Variants in ACSM3 observed in about 807,000 individuals in gnomAD.
ACSM3 encodes the protein acyl-CoA synthetase medium chain family member 3, also known as acyl-coenzyme A synthetase ACSM3, mitochondrial.
Under a neutral mutation model 74.1 loss-of-function variants are expected in ACSM3, and 61 were observed. The ratio of observed to expected loss-of-function variants is 0.82; its 90% CI spans 0.67 to 1.02. The LOEUF (loss-of-function observed/expected upper bound fraction) is 1.02, where lower values mean the gene tolerates loss of function less well. Ranked by LOEUF, ACSM3 falls within the 50% of genes least tolerant of loss-of-function variation. ACSM3 has a pLI of 0.00. For synonymous variants in ACSM3, 213 were observed against 241.5 expected, an observed-to-expected ratio of 0.88 and a Z score of 1.09; for missense variants, 660 against 697.0, an observed-to-expected ratio of 0.95 and a Z score of 0.60.
At chr16:20,692,306 G>C (rs552911519) in intron 1 of ACSM3, among the ~76,000 whole-genome samples, 89 of 152,320 alleles carry the variant, frequency 5.8e-4, no homozygotes, top group African/African-American at 2.1e-3. Context: ...GAAGGCATGA[G>C]ACATTAATTA....
chr16:20,726,325 G>C (rs949715537), intron 1 of ACSM3, among the ~76,000 whole-genome samples: 2 of 152,236 alleles, frequency 1.3e-5, no homozygotes, highest in Admixed American at 6.5e-5. Flanking sequence ...TACATGAGGA[G>C]AGAAAGGAAG....
chr16:20,693,525 T>C (rs1243831175), intron 1 of ACSM3, among the ~76,000 whole-genome samples: 1 of 152,224 alleles, frequency 6.6e-6, no homozygotes, highest in Admixed American at 6.5e-5. Flanking sequence ...TCCCTCTTGC[T>C]CACTTTCAAC....
chr16:20,782,211 C>G (rs1208042391), intron 7 of ACSM3, among the ~76,000 whole-genome samples: 1 of 152,140 alleles, frequency 6.6e-6, no homozygotes, highest in Non-Finnish European at 1.5e-5. Context: ...AAAACAACCC[C>G]CGTTTCTCTT....
upstream of ACSM3, chr16:20,763,984 C>G (rs933783470): frequency 6.6e-6 from 1 of 152,234 alleles, no homozygotes; most frequent in African/African-American, 2.4e-5. Flanking sequence ...GCCAGTCTTG[C>G]TCCTCCGGAT....
upstream of ACSM3, among the ~76,000 whole-genome samples, chr16:20,761,907 A>C (rs977163011): frequency 3.3e-5 from 5 of 152,250 alleles, no homozygotes; most frequent in Admixed American, 2.0e-4. Flanking sequence ...AACTTCAGTA[A>C]AGACATTGCA....
At chr16:20,725,148 T>A (rs1399342031) in intron 1 of ACSM3, among the ~76,000 whole-genome samples, 1 of 152,156 alleles carries the variant, frequency 6.6e-6, no homozygotes, top group Non-Finnish European at 1.5e-5. Context: ...AAGGCTACAG[T>A]AACCAAAACA....
At position 20,790,928 on chromosome 16, in the gene ACSM3, G is replaced by A. The variant is rs1567363017; in HGVS notation, c.1326+240G>A. 2 of 1,613,810 alleles carry A rather than the reference G, an allele frequency of 1.2e-6. No homozygotes were observed. The highest frequency in any genetic ancestry group is 1.7e-6 in the Non-Finnish European group (2 of 1,179,854). The stretch of plus-strand genomic sequence containing the variant: ...CCAGGTCCACGAAGGCAAGAGGAAG[G>A]GACCCTAGAAAGAGGACAGCCTCTT... On this transcript the variant is annotated intron_variant, in intron 10 of 13. Coordinates refer to ENST00000289416, the MANE Select transcript of ACSM3 (RefSeq NM_005622.4). This position sits in a 1 kb window ranked among gnomAD's most constrained non-coding sequence, Gnocchi z 4.0.
intron 1 of ACSM3, among the ~76,000 whole-genome samples, chr16:20,692,234 A>AG (rs1208573794): frequency 6.6e-6 from 1 of 152,234 alleles, no homozygotes; most frequent in African/African-American, 2.4e-5. Context: ...CACAGCCCTC[A>AG]GGAAATCCTG....
At chr16:20,794,512 T>G (rs1254484387) in intron 12 of ACSM3, among the ~76,000 whole-genome samples, 1 of 152,188 alleles carries the variant, frequency 6.6e-6, no homozygotes, top group Non-Finnish European at 1.5e-5. Flanking sequence ...TAAATTGAAA[T>G]AGACACACGT....
At chr16:20,682,872 A>T (rs876106) in intron 1 of ACSM3, among the ~76,000 whole-genome samples, 1 of 151,900 alleles carries the variant, frequency 6.6e-6, no homozygotes. Flanking sequence ...CCTTTCTGTC[A>T]TTCCTTGGAT....
At chr16:20,677,302 G>T (rs969265115) in intron 1 of ACSM3, among the ~76,000 whole-genome samples, 4 of 151,514 alleles carry the variant, frequency 2.6e-5, no homozygotes, top group Non-Finnish European at 5.9e-5. Context: ...TTATCTTCTT[G>T]TATGCCCATA....
chr16:20,699,283 T>C (rs1376677750), intron 1 of ACSM3, among the ~76,000 whole-genome samples: 1 of 152,186 alleles, frequency 6.6e-6, no homozygotes, highest in Non-Finnish European at 1.5e-5. Flanking sequence ...GCTTGTACTA[T>C]GACTTTTCTA....
rs13306604 is a variant in ACSM3, at chr16:20,781,807, A to T, written c.1019+20A>T. The T allele has an allele frequency of 0.14, 221,034 of 1,562,098 alleles. 16,404 individuals carry two copies. The highest frequency in any genetic ancestry group is 0.23 in the Middle Eastern group (1,399 of 5,958). On this transcript the variant is annotated intron_variant, in intron 7 of 13. Coordinates refer to ENST00000289416, the MANE Select transcript of ACSM3 (RefSeq NM_005622.4). ...AACCAGGTAAGAAATGTTAGTAAAT[A>T]GGCATCTAGTGGGGAGAGGGGAGAA...
intron 2 of ACSM3, among the ~76,000 whole-genome samples, chr16:20,774,392 G>A (rs961508147): frequency 7.9e-5 from 12 of 151,956 alleles, no homozygotes; most frequent in Non-Finnish European, 1.3e-4. Flanking sequence ...CAAGGTGCAC[G>A]CTATCATGCC....
chr16:20,797,480 TTA>T lies in ACSM3; in HGVS notation c.*509_*510del, dbSNP rs2080743417. 9.1e-7 allele frequency: 1 copy of T among 1,093,374 alleles called. No homozygotes were observed. The highest frequency in any genetic ancestry group is 4.0e-4 in the Middle Eastern group (1 of 2,496). 67.7% of individuals were successfully genotyped at this position (1,093,374 alleles called of 1,614,324 possible). On this transcript the variant is annotated 3_prime_UTR_variant, in exon 14 of 14. Coordinates refer to ENST00000289416, the MANE Select transcript of ACSM3 (RefSeq NM_005622.4). ...ATTAGTCACATTTTTTGCAAATAAT[TTA>T]AAAATAGTTTAGACTTGTTTCAAGG...
intron 3 of ACSM3, among the ~76,000 whole-genome samples, chr16:20,756,042 AT>A (rs1308244789): frequency 1.3e-5 from 2 of 152,168 alleles, no homozygotes; most frequent in Non-Finnish European, 2.9e-5. Flanking sequence ...ATTGTTGGAC[AT>A]TTGGATTGGT....
intron 1 of ACSM3, among the ~76,000 whole-genome samples, chr16:20,730,448 C>A (rs1249715849): frequency 2.0e-5 from 3 of 152,138 alleles, no homozygotes; most frequent in African/African-American, 7.2e-5. Flanking sequence ...TTCCTAATTT[C>A]CTTTCCTCAT....
chr16:20,793,448 A>G (rs2080647907), intron 12 of ACSM3, among the ~76,000 whole-genome samples: 1 of 152,162 alleles, frequency 6.6e-6, no homozygotes, highest in Non-Finnish European at 1.5e-5. Flanking sequence ...CAGCCTGGCT[A>G]ACAGAACAAG....
intron 12 of ACSM3, among the ~76,000 whole-genome samples, chr16:20,794,104 G>C (rs920759689): frequency 2.8e-4 from 42 of 152,286 alleles, no homozygotes; most frequent in African/African-American, 9.6e-4. Flanking sequence ...AGGTATCCAT[G>C]AACAAAACGG....
Sources: allele counts gnomAD v4.1 joint callset (sites outside exome capture counted in the v4.1 genomes callset), GRCh38; gene constraint gnomAD v4.1.1; non-coding constraint Gnocchi (gnomAD v3.1); transcripts MANE v1.5; gene names NCBI Gene and HGNC (gene_info 2026-07-23, HGNC 2026-07-21).